SCN9A: variants seen among roughly 807,000 people sequenced by gnomAD.
SCN9A encodes sodium channel protein type 9 subunit alpha.
In SCN9A, 131 loss-of-function variants were observed where a neutral mutation model predicts 187.0. The ratio of observed to expected loss-of-function variants is 0.70; its 90% CI spans 0.61 to 0.81. The LOEUF is 0.81. Ranked by LOEUF, SCN9A falls within the 30% of genes least tolerant of loss-of-function variation. The pLI is 0.00. For synonymous variants in SCN9A, 809 were observed against 808.6 expected (o/e 1.00, Z -0.01); for missense variants, 2,252 against 2,396.6 (o/e 0.94, Z 1.26).
chr2:166,306,180 A>G (rs994431970), intron 4 of SCN9A, among the ~76,000 whole-genome samples: 2 of 152,124 alleles, frequency 1.3e-5, no homozygotes, highest in African/African-American at 4.8e-5. Flanking sequence ...AATTTCCTAC[A>G]TTGCTTCTAT....
At chr2:166,267,308 T>A (rs192256746) in intron 17 of SCN9A, among the ~76,000 whole-genome samples, 144 of 152,162 alleles carry the variant, frequency 9.5e-4, no homozygotes, top group African/African-American at 3.3e-3. Flanking sequence ...TCTATTGAGA[T>A]GATTATATGG....
chr2:166,337,756 G>C lies in SCN9A; in HGVS notation c.-50-25950C>G, dbSNP rs562472371. 2.6e-5 allele frequency among the ~76,000 whole-genome samples: 4 copies of C among 152,182 alleles called. No homozygotes were observed. In the Middle Eastern group the frequency reaches 0.014, roughly 518 times the overall value. On this transcript the variant is annotated intron_variant, in intron 1 of 26. Transcript: ENST00000642356. ...TTAATCCAGACTCCAACACTGAAAA[G>C]CTAGGTCACCTTAGTTAAGTTACTT...
intron 7 of SCN9A, among the ~76,000 whole-genome samples, chr2:166,297,004 T>C (rs1006955238): frequency 2.6e-5 from 4 of 151,644 alleles, no homozygotes; most frequent in Non-Finnish European, 5.9e-5. Flanking sequence ...GAGACCATCC[T>C]GGCTAACACA....
rs773252059 is a variant in SCN9A, at chr2:166,198,894, T to G, written c.5745A>C (p.Ile1915=). 1.3e-5 allele frequency: 21 copies of G among 1,613,582 alleles called. No homozygotes were observed. The Admixed American group carries it at 3.5e-4, about 27-fold the overall frequency. Residue 1915 remains isoleucine, a synonymous_variant, in exon 27 of 27, where the codon ATA becomes ATC. Coordinates refer to ENST00000642356, the MANE Select transcript of SCN9A (RefSeq NM_001365536.1). ...CATCTCTGTCTCCATCTTTTATGTATATACTTGATATATTTTTGACATTTT... is the reference window on the plus strand; with the variant it reads ...CATCTCTGTCTCCATCTTTTATGTAGATACTTGATATATTTTTGACATTTT... ...LRQNVKNISS[I]YIKDGDRDDD...
Position 166,280,227 on chromosome 2 carries a change from T to C in SCN9A, c.2343+130A>G, listed in dbSNP as rs1697415476. The stretch of plus-strand genomic sequence containing the variant: ...CCAGAAACTTGACTCTACACATCCA[T>C]TCATATGGAAAGTTCTGGATATGCA... On this transcript the variant is annotated intron_variant, in intron 14 of 26. Coordinates refer to ENST00000642356, the MANE Select transcript of SCN9A (RefSeq NM_001365536.1). The C allele has an allele frequency of 4.9e-6, 3 of 618,160 alleles. No individual in the cohort carries two copies. In the Admixed American group the frequency reaches 8.9e-5, roughly 18 times the overall value. The allele number at this position is 618,160 out of a possible 1,614,324, so 38.3% of individuals were successfully genotyped here.
chr2:166,363,197 G>C (rs892682586), intron 1 of SCN9A, among the ~76,000 whole-genome samples: 4 of 151,942 alleles, frequency 2.6e-5, no homozygotes, highest in Admixed American at 2.0e-4. Context: ...TTTTGAACTT[G>C]CTTTATTAAA....
chr2:166,331,603 A>T (rs1433897925), intron 1 of SCN9A, among the ~76,000 whole-genome samples: 1 of 152,196 alleles, frequency 6.6e-6, no homozygotes, highest in African/African-American at 2.4e-5. Flanking sequence ...TTTTTCCTCA[A>T]CATATTCATA....
chr2:166,238,234 T>C lies in SCN9A; in HGVS notation c.3661A>G (p.Thr1221Ala). 1 of 1,588,092 alleles carries C rather than the reference T, an allele frequency of 6.3e-7. No homozygotes were observed. Among genetic ancestry groups the C allele is most frequent in the East Asian group, 2.3e-5 (1 of 44,250 alleles). Residue 1221 changes from threonine (T) to alanine (A), a missense_variant, in exon 20 of 27, where the codon ACC becomes GCC. Physicochemically the swap from Thr to Ala is moderately conservative, Grantham distance 58 (BLOSUM62 0). Transcript: ENST00000642356. ...GCATACTCCAGGATAATCTTAATGGTCTTTTTCCTTTCAATATAAATATCT... is the reference window on the plus strand; with the variant it reads ...GCATACTCCAGGATAATCTTAATGGCCTTTTTCCTTTCAATATAAATATCT... ...FEDIYIERKKTIKIILEYADK... is the reference protein window; with the variant it reads ...FEDIYIERKKAIKIILEYADK...
Position 166,272,586 on chromosome 2 carries a change from T to C in SCN9A, c.3164A>G (p.Glu1055Gly). 6.2e-7 allele frequency: 1 copy of C among 1,613,532 alleles called. No individual in the cohort carries two copies. The highest frequency in any genetic ancestry group is 8.5e-7 in the Non-Finnish European group (1 of 1,179,748). ...EMSKGHNFLK[E>G]KDKISGFGSS... ...TCCAAAACCACTGATTTTATCTTTTTCCTTGAGGAAATTGTGACCTTTGCT... is the reference window on the plus strand; with the variant it reads ...TCCAAAACCACTGATTTTATCTTTTCCCTTGAGGAAATTGTGACCTTTGCT... The change falls in exon 17 of 27, where the codon GAA (glutamate) becomes GGA (glycine). Residue 1055 changes from glutamate to glycine, a missense_variant. Coordinates refer to ENST00000642356, the MANE Select transcript of SCN9A (RefSeq NM_001365536.1).
chr2:166,357,557 C>G (rs1210471716), intron 1 of SCN9A, among the ~76,000 whole-genome samples: 1 of 152,120 alleles, frequency 6.6e-6, no homozygotes, highest in Non-Finnish European at 1.5e-5. Context: ...AGTTGATAAT[C>G]CCCATGACAA....
At chr2:166,226,336 T>C (rs1467766704) in intron 24 of SCN9A, among the ~76,000 whole-genome samples, 1 of 152,204 alleles carries the variant, frequency 6.6e-6, no homozygotes, top group Middle Eastern at 3.2e-3. Flanking sequence ...CCTATGGGTT[T>C]AACCTAAATC....
intron 1 of SCN9A, among the ~76,000 whole-genome samples, chr2:166,333,225 T>A (rs1299003399): frequency 6.6e-6 from 1 of 152,066 alleles, no homozygotes; most frequent in Non-Finnish European, 1.5e-5. Flanking sequence ...TGACCATAAA[T>A]GGAAATGTTT....
In SCN9A at chr2:166,198,915, A is replaced by G. The variant is rs1693337198; in HGVS notation, c.5724T>C (p.Asn1908=). Residue 1908 remains asparagine, a synonymous_variant, in exon 27 of 27, where the codon AAT becomes AAC. Transcript: ENST00000642356. Reference sequence around the variant, plus strand: ...TGTATATACTTGATATATTTTTGACATTTTGCCTTAAGCGGTAACGTCTAT... The same window carrying G: ...TGTATATACTTGATATATTTTTGACGTTTTGCCTTAAGCGGTAACGTCTAT... The part of the protein sequence containing the change: ...RAYRRYRLRQ[N]VKNISSIYIK... The G allele has an allele frequency of 2.5e-6, 4 of 1,613,832 alleles. No individual in the cohort carries two copies. Among genetic ancestry groups the G allele is most frequent in the East Asian group, 4.5e-5 (2 of 44,874 alleles).
In SCN9A at chr2:166,338,969, A is replaced by C. The variant is rs139281380; in HGVS notation, c.-50-27163T>G. 1.0e-3 allele frequency among the ~76,000 whole-genome samples: 159 copies of C among 152,300 alleles called. 1 individual carries two copies. Among genetic ancestry groups the C allele is most frequent in the African/African-American group, 3.8e-3 (156 of 41,578 alleles). On this transcript the variant is annotated intron_variant, in intron 1 of 26. Transcript: ENST00000642356. ...AAAAAAAGATAACATTAGAGGAAGG[A>C]TGTTTTAAAACTTTAAAATGCAGAA...
At chr2:166,314,951 G>A (rs1032948671) in intron 1 of SCN9A, among the ~76,000 whole-genome samples, 3 of 152,166 alleles carry the variant, frequency 2.0e-5, no homozygotes, top group Non-Finnish European at 2.9e-5. Context: ...CTTTAAAATG[G>A]TGATTTTTTA....
At chr2:166,285,020 A>T (rs1025671139) in intron 11 of SCN9A, among the ~76,000 whole-genome samples, 196 bp from the exon 12 acceptor site, 13 of 152,244 alleles carry the variant, frequency 8.5e-5, no homozygotes, top group Non-Finnish European at 1.8e-4. Flanking sequence ...TGTAGAATTC[A>T]TCCTTTCAGG....
intron 17 of SCN9A, among the ~76,000 whole-genome samples, chr2:166,253,168 A>G (rs759368213): frequency 2.6e-5 from 4 of 151,914 alleles, no homozygotes; most frequent in Non-Finnish European, 5.9e-5. Context: ...CAATGCTATT[A>G]TTATCACCTA....
rs553537463 is a variant in SCN9A, at chr2:166,342,143, G to A, written c.-50-30337C>T. Among the ~76,000 whole-genome samples the A allele has an allele frequency of 2.8e-4, 43 of 152,230 alleles. 1 individual carries two copies. Among genetic ancestry groups the A allele is most frequent in the Non-Finnish European group, 6.0e-4 (41 of 68,014 alleles). On this transcript the variant is annotated intron_variant, in intron 1 of 26. Transcript: ENST00000642356. ...GAGAAATTATGATGCCCTATAAATA[G>A]AGAAAAGCGCACAAACACATCAGCA...
chr2:166,236,918 A>G (rs2106401198), intron 20 of SCN9A, among the ~76,000 whole-genome samples: 1 of 152,264 alleles, frequency 6.6e-6, no homozygotes, highest in Non-Finnish European at 1.5e-5. Context: ...CCTTGGTTAA[A>G]TTTTAAAGCA....
Sources: allele counts gnomAD v4.1 joint callset (sites outside exome capture counted in the v4.1 genomes callset), GRCh38; gene constraint gnomAD v4.1.1; transcripts MANE v1.5; gene names NCBI Gene and HGNC (gene_info 2026-07-23, HGNC 2026-07-21).